GPATCH3: variants seen among roughly 807,000 people sequenced by gnomAD.
The protein encoded by GPATCH3 is G-patch domain containing 3.
Under a neutral mutation model 53.2 loss-of-function variants are expected in GPATCH3, and 45 were observed. The ratio of observed to expected loss-of-function variants is 0.85; its 90% CI spans 0.67 to 1.08. The LOEUF is 1.08. GPATCH3 is among the 50% of genes least tolerant of loss of function. The probability of loss-of-function intolerance (pLI) is 0.00; values close to 1 mark genes in which losing one functional copy is unlikely to be tolerated. For synonymous variants in GPATCH3, 280 were observed against 270.6 expected (o/e 1.03, Z -0.34); for missense variants, 680 against 687.2 (o/e 0.99, Z 0.12).
Position 26,891,712 on chromosome 1 carries a change from A to G in GPATCH3, c.1362-486T>C, listed in dbSNP as rs903344170. On this transcript the variant is annotated intron_variant, in intron 6 of 6. Transcript: ENST00000361720. ...CAGGCGCATGCCACCATGCCCAGCT[A>G]ATTTTTTTTTTTTGTGACAGAGTCT... is the stretch of plus-strand genomic sequence containing the variant. 2.0e-5 allele frequency among the ~76,000 whole-genome samples: 3 copies of G among 151,144 alleles called. 1 individual carries two copies. The highest frequency in any genetic ancestry group is 7.3e-5 in the African/African-American group (3 of 41,118).
At chr1:26,899,937 A>G in intron 1 of GPATCH3, 55 bp downstream of exon 1, 1 of 1,515,412 alleles carries the variant, frequency 6.6e-7, no homozygotes, top group East Asian at 2.2e-5. Flanking sequence ...CTCCTCTGAA[A>G]AGGTGCCTCT....
At chr1:26,894,627 C>T (rs751807137) in intron 2 of GPATCH3, among the ~76,000 whole-genome samples, 4 of 152,132 alleles carry the variant, frequency 2.6e-5, no homozygotes, top group African/African-American at 9.7e-5. Context: ...CACCTCTGCG[C>T]GTTTGGCCAT....
At position 26,895,670 on chromosome 1, in the gene GPATCH3, C is replaced by A. The variant is rs955767254; in HGVS notation, c.877-1260G>T. Among the ~76,000 whole-genome samples, 32 of 150,780 alleles carry A rather than the reference C, an allele frequency of 2.1e-4. 2 individuals are homozygous for A. The highest frequency in any genetic ancestry group is 7.4e-5 in the Non-Finnish European group (5 of 67,732). ...TTTTTTTTTTTGAGACAGAGTCTCA[C>A]TCTATCGCCCAGGCTGGAGTGCAGT... is the stretch of plus-strand genomic sequence containing the variant. On this transcript the variant is annotated intron_variant, in intron 2 of 6. Transcript: ENST00000361720.
intron 2 of GPATCH3, among the ~76,000 whole-genome samples, chr1:26,895,071 C>T (rs1360205832): frequency 6.6e-6 from 1 of 152,170 alleles, no homozygotes; most frequent in African/African-American, 2.4e-5. Context: ...TCTCCAGATG[C>T]TGGTTCTTTC....
chr1:26,895,604 G>A (rs1376191008), intron 2 of GPATCH3, among the ~76,000 whole-genome samples: 1 of 151,188 alleles, frequency 6.6e-6, no homozygotes, highest in African/African-American at 2.4e-5. Flanking sequence ...TACCACACTA[G>A]GGATGTGGTC....
rs2081955608 is a variant in GPATCH3 at position 26,897,369 on chromosome 1, C to T, written c.808G>A (p.Ala270Thr). Residue 270 changes from alanine (A) to threonine (T), a missense_variant, in exon 2 of 7, where the codon GCC becomes ACC. By Grantham distance (58) the Ala-to-Thr change is moderately conservative. Transcript: ENST00000361720. ...PQGTYLADIP[A>T]SPCGEPEEEV... ...TCCTCAGGCTCTCCACAGGGGCTGGCTGGTATATCTGCCAGGTAGGTTCCT... is the reference window on the plus strand; with the variant it reads ...TCCTCAGGCTCTCCACAGGGGCTGGTTGGTATATCTGCCAGGTAGGTTCCT... 1 of 1,614,206 alleles carries T rather than the reference C, an allele frequency of 6.2e-7. No homozygotes were observed. Among genetic ancestry groups the T allele is most frequent in the Non-Finnish European group, 8.5e-7 (1 of 1,180,044 alleles).
intron 2 of GPATCH3, among the ~76,000 whole-genome samples, chr1:26,896,295 A>T (rs2081950219): frequency 6.6e-6 from 1 of 150,764 alleles, no homozygotes; most frequent in Non-Finnish European, 1.5e-5. Context: ...AACTCTCCTT[A>T]TCTGGTCTTT....
rs748604144 is a variant in GPATCH3, at chr1:26,900,220, C to A, written c.223G>T (p.Gly75Cys). The A allele has an allele frequency of 6.2e-7, 1 of 1,614,110 alleles. No homozygotes were observed. The highest frequency in any genetic ancestry group is 1.7e-5 in the Admixed American group (1 of 60,002). ...ALIPTDPAAE[G>C]QLLSQTSATD... The stretch of plus-strand genomic sequence containing the variant: ...GCCGAAGTCTGAGAGAGAAGCTGGC[C>A]CTCAGCGGCTGGGTCGGTAGGAATT... The change falls in exon 1 of 7, where the codon GGC (glycine) becomes TGC (cysteine). Residue 75 changes from glycine to cysteine, a missense_variant. Transcript: ENST00000361720.
intron 2 of GPATCH3, among the ~76,000 whole-genome samples, chr1:26,896,700 CA>C (rs1217337897): frequency 4.2e-4 from 54 of 127,218 alleles, no homozygotes; most frequent in Admixed American, 5.0e-4. Flanking sequence ...GACTCTGTCT[CA>C]AAAAAAAAAA....
rs775808212 is a variant in GPATCH3 at position 26,891,221 on chromosome 1, T to C, written c.1367A>G (p.His456Arg). The change falls in exon 7 of 7, where the codon CAT (histidine) becomes CGT (arginine). Residue 456 changes from histidine (H) to arginine (R), a missense_variant. Transcript: ENST00000361720. The stretch of plus-strand genomic sequence containing the variant: ...CCCAAATGGCTGTAGCTTCTCTCCA[T>C]GGTACCTGGATAAAAACGGGCTCTC... ...HPRCKRGLGY[H>R]GEKLQPFGQL... 3 of 1,611,802 alleles carry C rather than the reference T, an allele frequency of 1.9e-6. No homozygotes were observed. Among genetic ancestry groups the C allele is most frequent in the Middle Eastern group, 1.7e-4 (1 of 5,870 alleles).
intron 2 of GPATCH3, among the ~76,000 whole-genome samples, chr1:26,895,107 G>C (rs992903143): frequency 7.2e-5 from 11 of 152,150 alleles, no homozygotes; most frequent in Admixed American, 2.0e-4. Flanking sequence ...TAGGCTCTTT[G>C]AGGGCAGGAA....
chr1:26,899,080 A>G (rs2081963315), intron 1 of GPATCH3, among the ~76,000 whole-genome samples: 2 of 152,120 alleles, frequency 1.3e-5, no homozygotes, highest in Non-Finnish European at 2.9e-5. Flanking sequence ...ATTAACTCCT[A>G]TTTATTTTTC....
chr1:26,899,532 G>A (rs142194525), intron 1 of GPATCH3, among the ~76,000 whole-genome samples: 88 of 152,304 alleles, frequency 5.8e-4, no homozygotes, highest in African/African-American at 2.0e-3. Flanking sequence ...AGCATTTGTT[G>A]AATGTGTGAA....
chr1:26,899,667 G>A (rs2081966034), intron 1 of GPATCH3, among the ~76,000 whole-genome samples: 2 of 152,242 alleles, frequency 1.3e-5, no homozygotes, highest in Admixed American at 1.3e-4. Context: ...GAAGCACAGA[G>A]AGAGCAGGAG....
At position 26,892,945 on chromosome 1, in the gene GPATCH3, T is replaced by C. The variant is rs2081935257; in HGVS notation, c.1112-154A>G. On this transcript the variant is annotated intron_variant, in intron 4 of 6. Coordinates refer to ENST00000361720, the MANE Select transcript of GPATCH3 (RefSeq NM_022078.3). ...GGGAGCTCCCCAAAAGTAGGAACCA[T>C]GGCTCTCCCCAATCATACAGATGAG... The C allele has an allele frequency of 8.5e-6, 7 of 823,894 alleles. No homozygotes were observed. In the South Asian group the frequency reaches 1.2e-4, roughly 14 times the overall value. The allele number at this position is 823,894 out of a possible 1,614,324, so 51.0% of individuals were successfully genotyped here.
rs57218076 is a variant in GPATCH3, at chr1:26,893,529, C to CTTTTT, written c.1052-86_1052-82dup. The CTTTTT allele has an allele frequency of 1.3e-4, 49 of 373,038 alleles. 1 individual carries two copies. Among genetic ancestry groups the CTTTTT allele is most frequent in the African/African-American group, 2.7e-4 (9 of 33,210 alleles). 23.1% of individuals were successfully genotyped at this position (373,038 alleles called of 1,614,324 possible). A position where few individuals can be genotyped will look rare whatever the true frequency, so the allele number is the denominator to read the frequency against. On this transcript the variant is annotated intron_variant, in intron 3 of 6. Coordinates refer to ENST00000361720, the MANE Select transcript of GPATCH3 (RefSeq NM_022078.3). The stretch of plus-strand genomic sequence containing the variant: ...AGAGTTAAACCTAGAGTTTTTTTGG[C>CTTTTT]TTTTTTTTTTTTTTTTTTTTTGAGA...
Position 26,897,719 on chromosome 1 carries a change from C to A in GPATCH3, c.458G>T (p.Gly153Val). Residue 153 changes from glycine (G) to valine (V), a missense_variant, in exon 2 of 7, where the codon GGC becomes GTC. Coordinates refer to ENST00000361720, the MANE Select transcript of GPATCH3 (RefSeq NM_022078.3). ...LRLPTEASGL[G>V]SFPFKTRKEL... is the part of the protein sequence containing the mutation. ...CTTCCGGGTCTTGAAGGGAAAGGAG[C>A]CCAGACCTTGGAAAGGAGGGAGAAT... 1 of 1,603,366 alleles carries A rather than the reference C, an allele frequency of 6.2e-7. No individual in the cohort carries two copies. Among genetic ancestry groups the A allele is most frequent in the Non-Finnish European group, 8.5e-7 (1 of 1,175,026 alleles).
At chr1:26,898,697 C>T (rs1170677635) in intron 1 of GPATCH3, among the ~76,000 whole-genome samples, 2 of 149,234 alleles carry the variant, frequency 1.3e-5, no homozygotes, top group African/African-American at 4.9e-5. Context: ...GATGGGGTCT[C>T]GTTCTGTCAC....
chr1:26,895,522 T>TAA (rs763002456), intron 2 of GPATCH3, among the ~76,000 whole-genome samples: 4,553 of 84,318 alleles, frequency 0.054, 144 homozygotes, highest in Non-Finnish European at 0.078. Flanking sequence ...AGAGCCTGCT[T>TAA]AAAAAAAAAA....
Sources: allele counts gnomAD v4.1 joint callset (sites outside exome capture counted in the v4.1 genomes callset), GRCh38; gene constraint gnomAD v4.1.1; transcripts MANE v1.5; gene names NCBI Gene and HGNC (gene_info 2026-07-23, HGNC 2026-07-21).